The following LIPA variants were observed in gnomAD, a reference collection of about 807,000 sequenced individuals.
LIPA encodes the protein lipase A, lysosomal acid type, also known as lysosomal acid lipase/cholesteryl ester hydrolase.
Under a neutral mutation model 40.6 loss-of-function variants are expected in LIPA, and 26 were observed. That is an observed-to-expected ratio of 0.64 (90% CI 0.47 to 0.89). LIPA has a LOEUF of 0.89. Among genes scored for constraint, LIPA ranks in the 40% least tolerant of loss-of-function variants. LIPA has a pLI of 0.00. For synonymous variants in LIPA, 188 were observed against 168.4 expected (o/e 1.12, Z -0.90); for missense variants, 455 against 479.6 (o/e 0.95, Z 0.48).
chr10:89,344,248 G>T (rs1034526073), upstream of LIPA, among the ~76,000 whole-genome samples: 1 of 152,162 alleles, frequency 6.6e-6, no homozygotes, highest in Non-Finnish European at 1.5e-5. Context: ...AGAGAGTAAG[G>T]AATTCCCTGA....
intron 1 of LIPA, among the ~76,000 whole-genome samples, chr10:89,272,324 C>T (rs1321940414): frequency 6.6e-6 from 1 of 152,110 alleles, no homozygotes; most frequent in African/African-American, 2.4e-5. Context: ...ATTTAGCTCC[C>T]TCTTATAAGT....
At chr10:89,275,675 G>T (rs184888026) in intron 1 of LIPA, among the ~76,000 whole-genome samples, 3 of 152,308 alleles carry the variant, frequency 2.0e-5, no homozygotes, top group Non-Finnish European at 2.9e-5. Context: ...CACAATCAGA[G>T]ATATCGAGTG....
chr10:89,392,466 T>TTTCTCCCC, intron 2 of LIPA: 1 of 285,990 alleles, frequency 3.5e-6, no homozygotes, highest in Non-Finnish European at 5.8e-6. Flanking sequence ...AAAGTTTCAT[T>TTTCTCCCC]CCCCACCCCC....
intron 2 of LIPA, among the ~76,000 whole-genome samples, chr10:89,247,279 C>G (rs1488722469): frequency 1.4e-5 from 2 of 147,490 alleles, no homozygotes; most frequent in Admixed American, 7.0e-5. Context: ...GGCTGAGGCT[C>G]GAGAATCACT....
chr10:89,378,201 C>T, intron 2 of LIPA: 1 of 1,581,424 alleles, frequency 6.3e-7, no homozygotes, highest in Non-Finnish European at 8.7e-7. Flanking sequence ...CTAAAACTTT[C>T]CTTAAGGGCC....
At chr10:89,217,930 C>T (rs1325503601) in intron 8 of LIPA, among the ~76,000 whole-genome samples, 2 of 152,032 alleles carry the variant, frequency 1.3e-5, no homozygotes, top group East Asian at 1.9e-4. Flanking sequence ...CATAAATATA[C>T]ACAAGGGGTA....
At chr10:89,221,220 A>AT (rs141227547) in intron 8 of LIPA, among the ~76,000 whole-genome samples, 17 of 151,344 alleles carry the variant, frequency 1.1e-4, no homozygotes, top group African/African-American at 3.6e-4. Context: ...TCAATAAAAA[A>AT]TTTTTTTTTA....
At chr10:89,402,362 C>T (rs779730712) in intron 2 of LIPA, 25 of 1,613,880 alleles carry the variant, frequency 1.5e-5, no homozygotes, top group African/African-American at 2.7e-5. Flanking sequence ...CCATTGATGA[C>T]GATGAAATGC....
intron 2 of LIPA, among the ~76,000 whole-genome samples, chr10:89,363,805 G>A (rs541067570): frequency 3.2e-4 from 48 of 151,146 alleles, no homozygotes; most frequent in African/African-American, 1.1e-3. Flanking sequence ...GAGGGGGGGC[G>A]GGTGTGGCTA....
chr10:89,342,953 T>C (rs2133580497), upstream of LIPA, among the ~76,000 whole-genome samples: 1 of 152,280 alleles, frequency 6.6e-6, no homozygotes, highest in South Asian at 2.1e-4. Context: ...TATTCTGCCA[T>C]GGGAAGTCTA....
chr10:89,251,257 G>C (rs184874110), intron 1 of LIPA, among the ~76,000 whole-genome samples: 1 of 152,220 alleles, frequency 6.6e-6, no homozygotes, highest in African/African-American at 2.4e-5. Context: ...GAAGCAAAGT[G>C]TCAGCTGTTT....
At chr10:89,280,317 A>G (rs1428609784) in intron 1 of LIPA, among the ~76,000 whole-genome samples, 1 of 152,216 alleles carries the variant, frequency 6.6e-6, no homozygotes, top group Non-Finnish European at 1.5e-5. Flanking sequence ...AAACAAAAGG[A>G]AGAATCTCCC....
At chr10:89,274,040 G>A (rs1414402912) in intron 1 of LIPA, among the ~76,000 whole-genome samples, 1 of 152,152 alleles carries the variant, frequency 6.6e-6, no homozygotes. Context: ...GTTTGCCACT[G>A]CCACTATAGA....
At chr10:89,284,497 C>T (rs1360726021) in intron 1 of LIPA, 1 of 152,144 alleles carries the variant, frequency 6.6e-6, no homozygotes, top group Non-Finnish European at 1.5e-5. Context: ...TCTCCCTTTG[C>T]ATTTTGCTCT....
rs3063809 is a variant in LIPA, at chr10:89,247,846, T to TTTTATTTATTTATTTATTTA, written c.-1-217_-1-198dup. On this transcript the variant is annotated intron_variant, in intron 1 of 9. Transcript: ENST00000336233. ...TTTAAATTTTATTTATTTATTTTTA[T>TTTTATTTATTTATTTATTTA]TTTATTTATTTATTTATTTATTTAT... is the stretch of plus-strand genomic sequence containing the variant. 108 of 164,334 alleles carry TTTTATTTATTTATTTATTTA rather than the reference T, an allele frequency of 6.6e-4. 1 individual carries two copies. The highest frequency in any genetic ancestry group is 1.4e-3 in the African/African-American group (55 of 38,996). The allele number at this position is 164,334 out of a possible 1,614,324, so 10.2% of individuals were successfully genotyped here. A position where few individuals can be genotyped will look rare whatever the true frequency, so the allele number is the denominator to read the frequency against.
At chr10:89,329,170 G>T (rs1238391466) in intron 1 of LIPA, among the ~76,000 whole-genome samples, 1 of 152,156 alleles carries the variant, frequency 6.6e-6, no homozygotes, top group African/African-American at 2.4e-5. Flanking sequence ...CGACCATTCA[G>T]GGGGGCAGAA....
chr10:89,373,334 CA>C (rs34479360), intron 2 of LIPA, among the ~76,000 whole-genome samples: 1,489 of 63,182 alleles, frequency 0.024, 12 homozygotes, highest in African/African-American at 0.025. Flanking sequence ...GACTCCCTCT[CA>C]AAAAAAAAAA....
At chr10:89,253,693 C>T (rs1277109564), upstream of LIPA, among the ~76,000 whole-genome samples, 1 of 152,214 alleles carries the variant, frequency 6.6e-6, no homozygotes, top group Non-Finnish European at 1.5e-5. Context: ...GTCCATAGTC[C>T]AAAGTCTCAC....
At chr10:89,276,905 A>T (rs943056087) in intron 1 of LIPA, among the ~76,000 whole-genome samples, 3 of 152,210 alleles carry the variant, frequency 2.0e-5, no homozygotes, top group Non-Finnish European at 4.4e-5. Flanking sequence ...GGAGCTAGCG[A>T]GTGGCAGGTC....
Sources: gnomAD v4.1 joint callset for allele counts (sites outside exome capture counted in the v4.1 genomes callset) on GRCh38, gnomAD v4.1.1 for gene constraint, MANE v1.5 for transcripts, NCBI Gene and HGNC (gene_info 2026-07-23, HGNC 2026-07-21) for gene names.